The following CHRNE variants were observed in gnomAD, a reference collection of about 807,000 sequenced individuals.
CHRNE encodes cholinergic receptor nicotinic epsilon subunit.
Under a neutral mutation model 56.5 loss-of-function variants are expected in CHRNE, and 58 were observed. The observed-to-expected ratio is 1.03, with a 90% CI of 0.83 to 1.28. The LOEUF (loss-of-function observed/expected upper bound fraction) is 1.28, where lower values mean the gene tolerates loss of function less well. Among genes scored for constraint, CHRNE ranks in the 50% most tolerant of loss-of-function variants. CHRNE has a pLI of 0.00. For synonymous variants in CHRNE, 385 were observed against 297.9 expected (o/e 1.29, Z -3.01); for missense variants, 793 against 688.9 (o/e 1.15, Z -1.69).
chr17:4,900,831 T>G lies in CHRNE; in HGVS notation c.879A>C (p.Lys293Asn). The change falls in exon 8 of 12, where the codon AAA becomes AAC. Residue 293 changes from lysine (K) to asparagine (N), a missense_variant. By Grantham distance (94) the Lys-to-Asn change is moderately conservative (BLOSUM62 0). Transcript: ENST00000649488. ...QTVFLFLIAQ[K>N]IPETSLSVPL... ...GCACGCTCAGAGAAGTCTCTGGGAT[T>G]TTCTGGGCAATGAGGAACAAGAAGA... 2 of 1,614,118 alleles carry G rather than the reference T, an allele frequency of 1.2e-6. No homozygotes were observed. The highest frequency in any genetic ancestry group is 1.7e-6 in the Non-Finnish European group (2 of 1,179,992).
rs1223711050 is a variant in CHRNE at position 4,899,338 on chromosome 17, GGCGGCGGCGGGGAGCCCAGGAGGC to G, written c.1055_1078del (p.Arg352_Pro359del). On this transcript the variant is annotated inframe_deletion, in exon 10 of 12. Transcript: ENST00000649488. ...GGGCGAGGCGGCCCGGGGGGCCTCG[GGCGGCGGCGGGGAGCCCAGGAGGC>G]GCGGCAGCAGCTCCAGGAGAACCTG... 5.2e-6 allele frequency: 8 copies of G among 1,548,034 alleles called. No individual in the cohort carries two copies. The highest frequency in any genetic ancestry group is 6.9e-6 in the Non-Finnish European group (8 of 1,153,258).
Position 4,898,402 on chromosome 17 carries a change from T to TATAG in CHRNE, c.*330_*333dup, listed in dbSNP as rs773327003. 3.2e-5 allele frequency: 13 copies of TATAG among 404,878 alleles called. No individual in the cohort carries two copies. Among genetic ancestry groups the TATAG allele is most frequent in the South Asian group, 1.1e-4 (5 of 45,932 alleles). The allele number at this position is 404,878 out of a possible 1,614,324, so 25.1% of individuals were successfully genotyped here. A position where few individuals can be genotyped will look rare whatever the true frequency, so the allele number is the denominator to read the frequency against. Reference sequence around the variant, plus strand: ...GTCTCCTGTTTGGCTATGAAATGAATATAGATAGATAGCTCACAAGCTGGC... The same window carrying TATAG: ...GTCTCCTGTTTGGCTATGAAATGAATATAGATAGATAGATAGCTCACAAGCTGGC... On this transcript the variant is annotated 3_prime_UTR_variant, in exon 12 of 12. Transcript: ENST00000649488.
intron 6 of CHRNE, 101 bp downstream of exon 6, chr17:4,901,424 G>A: frequency 8.9e-7 from 1 of 1,129,430 alleles, no homozygotes; most frequent in Non-Finnish European, 1.3e-6. Context: ...AGTTGTGGAA[G>A]TCATCCTCCA....
rs201470386 is a variant in CHRNE, at chr17:4,901,893, C to T, written c.500+39G>A. On this transcript the variant is annotated intron_variant, in intron 5 of 11. Coordinates refer to ENST00000649488, the MANE Select transcript of CHRNE (RefSeq NM_000080.4). ...GGCCCCGCCCCATAAGGCCCCCCCC[C>T]AACAATAATCGTCCGGGCCTCGGAG... 3,291 of 1,607,600 alleles carry T rather than the reference C, an allele frequency of 2.0e-3. 60 individuals are homozygous for T. In the African/African-American group the frequency reaches 0.037, roughly 18 times the overall value.
chr17:4,899,353 C>G lies in CHRNE; in HGVS notation c.1064G>C (p.Gly355Ala), dbSNP rs1295826534. Residue 355 changes from glycine (G) to alanine (A), a missense_variant, in exon 10 of 12, where the codon GGC (glycine) becomes GCC (alanine). Coordinates refer to ENST00000649488, the MANE Select transcript of CHRNE (RefSeq NM_000080.4). ...GGGGGCCTCGGGCGGCGGCGGGGAG[C>G]CCAGGAGGCGCGGCAGCAGCTCCAG... ...VLLELLPRLL[G>A]SPPPPEAPRA... 1.9e-6 allele frequency: 3 copies of G among 1,538,990 alleles called. No individual in the cohort carries two copies. The highest frequency in any genetic ancestry group is 2.6e-6 in the Non-Finnish European group (3 of 1,148,534).
rs1436751057 is a variant in CHRNE at position 4,898,020 on chromosome 17, T to A, written c.*716A>T. Reference sequence around the variant, plus strand: ...CCCTCCTCAATGTAGTGGCCTTGGATATCCTGTTTGTTAATAAAGACAATT... The same window carrying A: ...CCCTCCTCAATGTAGTGGCCTTGGAAATCCTGTTTGTTAATAAAGACAATT... On this transcript the variant is annotated 3_prime_UTR_variant, in exon 12 of 12. Transcript: ENST00000649488. 7.1e-6 allele frequency: 1 copy of A among 140,808 alleles called. No homozygotes were observed. The highest frequency in any genetic ancestry group is 1.6e-5 in the Non-Finnish European group (1 of 64,164). 8.7% of individuals were successfully genotyped at this position (140,808 alleles called of 1,614,324 possible).
At chr17:4,901,821 T>C (rs959148113) in intron 5 of CHRNE, 111 bp downstream of exon 5, 2 of 1,506,632 alleles carry the variant, frequency 1.3e-6, no homozygotes, top group African/African-American at 1.4e-5. Flanking sequence ...TACGCCTGGC[T>C]CCGCCTCCAG....
At chr17:4,903,503 A>G (rs1023536301), upstream of CHRNE, among the ~76,000 whole-genome samples, 1 of 152,200 alleles carries the variant, frequency 6.6e-6, no homozygotes, top group East Asian at 1.9e-4. Context: ...TGTGGAACAC[A>G]CACTATCACC....
chr17:4,901,512 G>A lies in CHRNE; in HGVS notation c.601+13C>T, dbSNP rs769275255. On this transcript the variant is annotated intron_variant, in intron 6 of 11. Coordinates refer to ENST00000649488, the MANE Select transcript of CHRNE (RefSeq NM_000080.4). ...TCTAGAAGCGGGTTTTTCTGAGCAG[G>A]CAGGGGCTTCACCAGTATAGGCCTC... 2 of 1,612,424 alleles carry A rather than the reference G, an allele frequency of 1.2e-6. No homozygotes were observed. Among genetic ancestry groups the A allele is most frequent in the South Asian group, 1.1e-5 (1 of 91,042 alleles).
At position 4,898,784 on chromosome 17, in the gene CHRNE, G is replaced by A. The variant is rs763943642; in HGVS notation, c.1434C>T (p.Tyr478=). ...VGSSLIFLGA[Y]FNRVPDLPYA... is the part of the protein sequence containing the mutation. ...AGGGGAGATCAGGCACTCGGTTGAAGTAGGCCCCGAGGAAGATGAGGCTGG... is the reference window on the plus strand; with the variant it reads ...AGGGGAGATCAGGCACTCGGTTGAAATAGGCCCCGAGGAAGATGAGGCTGG... Residue 478 remains tyrosine (Y), a synonymous_variant, in exon 12 of 12, where the codon TAC becomes TAT. Coordinates refer to ENST00000649488, the MANE Select transcript of CHRNE (RefSeq NM_000080.4). 1.2e-6 allele frequency: 2 copies of A among 1,609,550 alleles called. No individual in the cohort carries two copies. Among genetic ancestry groups the A allele is most frequent in the Non-Finnish European group, 1.7e-6 (2 of 1,178,396 alleles).
At chr17:4,899,872 G>T in intron 8 of CHRNE, 1 of 1,549,894 alleles carries the variant, frequency 6.5e-7, no homozygotes, top group Non-Finnish European at 8.7e-7. Context: ...GACCTTCTGG[G>T]TAGGTCTCCT....
At position 4,901,787 on chromosome 17, in the gene CHRNE, C is replaced by T. The variant is rs929595409; in HGVS notation, c.500+145G>A. 4 of 1,340,574 alleles carry T rather than the reference C, an allele frequency of 3.0e-6. No individual in the cohort carries two copies. The African/African-American group carries it at 5.8e-5, about 19-fold the overall frequency. 83.0% of individuals were successfully genotyped at this position (1,340,574 alleles called of 1,614,324 possible). On this transcript the variant is annotated intron_variant, in intron 5 of 11. Transcript: ENST00000649488. ...CTGTTCCCATCTGTACCTCCGGCCG[C>T]GCTGGAGCGTCCCACCCAGTGCCTA... is the stretch of plus-strand genomic sequence containing the variant.
At chr17:4,907,566 C>CAAAAAAAAAAAAAAAAAAAA (rs34317332), upstream of CHRNE, among the ~76,000 whole-genome samples, 1 of 61,066 alleles carries the variant, frequency 1.6e-5, no homozygotes, top group Non-Finnish European at 3.2e-5. Context: ...GACTCAGTCT[C>CAAAAAAAAAAAAAAAAAAAA]AAAAAAAAAA....
Position 4,899,150 on chromosome 17 carries a change from CT to C in CHRNE, c.1220-44del, listed in dbSNP as rs771247807. 4.4e-6 allele frequency: 7 copies of C among 1,596,200 alleles called. No homozygotes were observed. The South Asian group carries it at 4.5e-5, about 10-fold the overall frequency. On this transcript the variant is annotated intron_variant, in intron 10 of 11. Coordinates refer to ENST00000649488, the MANE Select transcript of CHRNE (RefSeq NM_000080.4). ...GGGGTGGGCCTTAGGAGCCTCCCCC[CT>C]GGCAGGCACCCCGCGCGGCCCCCCG...
chr17:4,898,961 GC>G (rs763619720), intron 11 of CHRNE, 39 bp downstream of exon 11: 2 of 1,273,076 alleles, frequency 1.6e-6, no homozygotes, highest in Admixed American at 5.0e-5. Context: ...ACAGTGGTGG[GC>G]CTCTGCCTCG....
At chr17:4,901,863 C>G in intron 5 of CHRNE, 69 bp downstream of exon 5, 1 of 1,596,676 alleles carries the variant, frequency 6.3e-7, no homozygotes, top group Non-Finnish European at 8.6e-7. Flanking sequence ...CGGTGCTTCC[C>G]GGTTGGCCCC....
At chr17:4,904,806 C>T (rs562267568), upstream of CHRNE, among the ~76,000 whole-genome samples, 4 of 152,310 alleles carry the variant, frequency 2.6e-5, no homozygotes, top group East Asian at 1.9e-4. Flanking sequence ...ATGTTACAAG[C>T]GAGGACACAT....
chr17:4,904,856 G>A (rs561725741), upstream of CHRNE, among the ~76,000 whole-genome samples: 1 of 152,234 alleles, frequency 6.6e-6, no homozygotes, highest in South Asian at 2.1e-4. Context: ...TCCCACACTT[G>A]TGTAAAGCCT....
At chr17:4,904,034 T>G (rs1386084327), upstream of CHRNE, among the ~76,000 whole-genome samples, 1 of 151,886 alleles carries the variant, frequency 6.6e-6, no homozygotes, top group Non-Finnish European at 1.5e-5. Flanking sequence ...ATTTTTGTAT[T>G]TTTTAGTAGA....
Sources: gnomAD v4.1 joint callset for allele counts (sites outside exome capture counted in the v4.1 genomes callset) on GRCh38, gnomAD v4.1.1 for gene constraint, MANE v1.5 for transcripts, NCBI Gene and HGNC (gene_info 2026-07-23, HGNC 2026-07-21) for gene names.